The following FBLN5 variants were observed in gnomAD, a reference collection of about 807,000 sequenced individuals.
The protein encoded by FBLN5 is fibulin-5.
A neutral mutation model predicts 61.6 loss-of-function variants in FBLN5; 24 were observed. The observed-to-expected ratio is 0.39, with a 90% confidence interval of 0.28 to 0.55. The LOEUF is 0.55. FBLN5 is among the 20% of genes least tolerant of loss of function. FBLN5 has a pLI of 0.65. For missense variants in FBLN5, 470 were observed against 594.1 expected (o/e 0.79, Z 2.17); for synonymous variants, 213 against 219.8 (o/e 0.97, Z 0.27).
At chr14:91,937,751 T>C (rs902832079) in intron 3 of FBLN5, among the ~76,000 whole-genome samples, 1 of 152,194 alleles carries the variant, frequency 6.6e-6, no homozygotes, top group African/African-American at 2.4e-5. Context: ...ATCCTCAACC[T>C]TGGACTTCTC....
intron 4 of FBLN5, among the ~76,000 whole-genome samples, chr14:91,896,905 G>A (rs1446407929): frequency 6.6e-6 from 1 of 152,234 alleles, no homozygotes; most frequent in Non-Finnish European, 1.5e-5. Flanking sequence ...CAAGCTCCTT[G>A]AGGGCAAGGG....
chr14:91,908,749 C>A (rs1025269925), intron 4 of FBLN5, among the ~76,000 whole-genome samples: 6 of 152,126 alleles, frequency 3.9e-5, no homozygotes, highest in Admixed American at 3.3e-4. Flanking sequence ...TAAATCAGAA[C>A]CCCTGGGAGG....
chr14:91,938,033 A>G (rs8005144), intron 3 of FBLN5, among the ~76,000 whole-genome samples: 13,833 of 152,280 alleles, frequency 0.091, 787 homozygotes, highest in African/African-American at 0.16. Flanking sequence ...CAGATGTACC[A>G]TCTAATACAT....
chr14:91,911,701 T>C (rs1010077844), intron 4 of FBLN5, among the ~76,000 whole-genome samples: 1 of 151,978 alleles, frequency 6.6e-6, no homozygotes, highest in Non-Finnish European at 1.5e-5. Context: ...ATCCAAATGC[T>C]CTGGGGCCCA....
chr14:91,873,948 C>A (rs1889054158), intron 10 of FBLN5: 1 of 152,346 alleles, frequency 6.6e-6, no homozygotes, highest in Non-Finnish European at 1.5e-5. Flanking sequence ...GACCTTGCTC[C>A]TTCTTCTGGC....
chr14:91,870,615 A>G (rs531010758), intron 10 of FBLN5, among the ~76,000 whole-genome samples: 4 of 152,352 alleles, frequency 2.6e-5, no homozygotes, highest in African/African-American at 9.6e-5. Context: ...TGGTTCCCCA[A>G]TCTAAGTCAG....
chr14:91,895,654 C>T (rs1343280952), intron 4 of FBLN5, among the ~76,000 whole-genome samples: 5 of 151,876 alleles, frequency 3.3e-5, no homozygotes, highest in East Asian at 1.9e-4. Flanking sequence ...AAAAATTAGC[C>T]GGGCCTGGTG....
chr14:91,889,604 G>A (rs918229012), intron 6 of FBLN5, among the ~76,000 whole-genome samples: 8 of 152,182 alleles, frequency 5.3e-5, no homozygotes, highest in African/African-American at 1.4e-4. Flanking sequence ...CTGACCTCAA[G>A]AGGCTATTTA....
At chr14:91,900,103 G>A (rs1452818901) in intron 4 of FBLN5, among the ~76,000 whole-genome samples, 2 of 152,188 alleles carry the variant, frequency 1.3e-5, no homozygotes, top group Non-Finnish European at 2.9e-5. Flanking sequence ...GTATTACATT[G>A]TTGATTTATG....
At chr14:91,877,298 G>A (rs1889210946) in intron 10 of FBLN5, among the ~76,000 whole-genome samples, 189 bp downstream of exon 10, 1 of 152,142 alleles carries the variant, frequency 6.6e-6, no homozygotes. Context: ...GGCTCAGGAG[G>A]AGAAGCATCT....
At chr14:91,902,197 A>G (rs1236039254) in intron 4 of FBLN5, among the ~76,000 whole-genome samples, 3 of 152,084 alleles carry the variant, frequency 2.0e-5, no homozygotes, top group African/African-American at 7.3e-5. Context: ...CCTCTTGAGC[A>G]TCATGCATCA....
intron 4 of FBLN5, among the ~76,000 whole-genome samples, chr14:91,923,323 G>A (rs920861995): frequency 6.6e-6 from 1 of 152,196 alleles, no homozygotes; most frequent in African/African-American, 2.4e-5. Context: ...CAAGTCAACT[G>A]CATGGAATTC....
intron 4 of FBLN5, among the ~76,000 whole-genome samples, chr14:91,930,351 T>A (rs1468389103): frequency 6.6e-6 from 1 of 152,020 alleles, no homozygotes; most frequent in African/African-American, 2.4e-5. Context: ...GGGAAAGACT[T>A]GCAGCAAGGT....
chr14:91,888,280 C>T (rs1234551373), intron 6 of FBLN5, among the ~76,000 whole-genome samples: 4 of 150,948 alleles, frequency 2.6e-5, no homozygotes, highest in Admixed American at 2.6e-4. Flanking sequence ...GCCTGGGTGA[C>T]AGAGTGAGAC....
intron 4 of FBLN5, among the ~76,000 whole-genome samples, chr14:91,900,985 C>T (rs970085818): frequency 6.6e-6 from 1 of 152,200 alleles, no homozygotes; most frequent in Admixed American, 6.5e-5. Context: ...ACTTCTCCCC[C>T]TTGAGCCCCA....
rs759761063 is a variant in FBLN5, at chr14:91,870,296, G to A, written c.1275C>T (p.Val425=). ...TGCCTCTGAAGTTGATGACAGTGTT[G>A]ACAGTGATCATTTCCAAGTCCAGCT... ...EIQLDLEMIT[V]NTVINFRGSS... The change falls in exon 11 of 11, where the codon GTC becomes GTT. Residue 425 remains valine (V), a synonymous_variant. Transcript: ENST00000342058. The A allele has an allele frequency of 7.4e-6, 12 of 1,613,954 alleles. No homozygotes were observed. In the Admixed American group the frequency reaches 1.0e-4, roughly 13 times the overall value.
At chr14:91,876,580 T>A (rs553341939) in intron 10 of FBLN5, among the ~76,000 whole-genome samples, 1 of 152,188 alleles carries the variant, frequency 6.6e-6, no homozygotes, top group East Asian at 1.9e-4. Flanking sequence ...CAAAGGGAGA[T>A]TTGATACACA....
intron 4 of FBLN5, 117 bp downstream of exon 4, chr14:91,936,830 A>G: frequency 8.3e-7 from 1 of 1,209,220 alleles, no homozygotes; most frequent in Non-Finnish European, 1.2e-6. Context: ...AGAGTAAGTC[A>G]TTGTTTCACT....
chr14:91,880,530 T>TGTGC (rs1349645589), intron 9 of FBLN5, among the ~76,000 whole-genome samples: 1 of 38,676 alleles, frequency 2.6e-5, no homozygotes, highest in Non-Finnish European at 6.2e-5. Flanking sequence ...TGCGTGCGTG[T>TGTGC]GTGTGTGTGT....
Sources: gnomAD v4.1 joint callset for allele counts (sites outside exome capture counted in the v4.1 genomes callset) on GRCh38, gnomAD v4.1.1 for gene constraint, MANE v1.5 for transcripts, NCBI Gene and HGNC (gene_info 2026-07-23, HGNC 2026-07-21) for gene names.